The following FHIT variants were observed in gnomAD, a reference collection of about 807,000 sequenced individuals.
FHIT encodes the protein bis(5'-adenosyl)-triphosphatase.
A neutral mutation model predicts 17.9 loss-of-function variants in FHIT; 19 were observed. The ratio of observed to expected loss-of-function variants is 1.06; its 90% CI spans 0.74 to 1.56. The LOEUF (loss-of-function observed/expected upper bound fraction) is 1.56, where lower values mean the gene tolerates loss of function less well. Ranked by LOEUF, FHIT falls within the 40% of genes most tolerant of loss-of-function variation. The pLI, the probability that FHIT is intolerant of heterozygous loss-of-function variation, is 0.00. For synonymous variants in FHIT, 81 were observed against 69.7 expected, an observed-to-expected ratio of 1.16 and a Z score of -0.81; for missense variants, 248 against 189.2, an observed-to-expected ratio of 1.31 and a Z score of -1.82.
intron 3 of FHIT, among the ~76,000 whole-genome samples, chr3:60,852,815 G>A (rs925861659): frequency 9.2e-5 from 14 of 151,970 alleles, no homozygotes; most frequent in African/African-American, 3.4e-4. Context: ...ACAAGCCTAA[G>A]CAGCATAGTG....
intron 3 of FHIT, among the ~76,000 whole-genome samples, chr3:60,991,993 G>A (rs2030267799): frequency 6.6e-6 from 1 of 152,052 alleles, no homozygotes; most frequent in Non-Finnish European, 1.5e-5. Context: ...GAAGACATTA[G>A]GTAGAATCTA....
At chr3:60,698,957 T>C (rs2041177087) in intron 4 of FHIT, among the ~76,000 whole-genome samples, 3 of 152,222 alleles carry the variant, frequency 2.0e-5, no homozygotes, top group Admixed American at 6.5e-5. Flanking sequence ...TCTTAATACA[T>C]AAGCGTATCA....
chr3:60,432,271 T>C lies in FHIT; in HGVS notation c.103+104589A>G, dbSNP rs368643168. On this transcript the variant is annotated intron_variant, in intron 5 of 9. Transcript: ENST00000492590. ...GATTAGAGGCATGAGCCACCATGCC[T>C]AGTCTGGGCCTTTATTTTTAATTCT... is the stretch of plus-strand genomic sequence containing the variant. Among the ~76,000 whole-genome samples the C allele has an allele frequency of 2.9e-4, 44 of 152,260 alleles. No individual in the cohort carries two copies. In the Middle Eastern group the frequency reaches 0.014, roughly 47 times the overall value.
At chr3:60,703,084 G>A (rs1195502085) in intron 4 of FHIT, among the ~76,000 whole-genome samples, 12 of 152,076 alleles carry the variant, frequency 7.9e-5, no homozygotes, top group African/African-American at 2.7e-4. Flanking sequence ...GGATTAGAGC[G>A]GCCCCTACCC....
In FHIT at chr3:60,155,173, CAAA is replaced by C. The variant is rs10552580; in HGVS notation, c.104-141024_104-141022del. On this transcript the variant is annotated intron_variant, in intron 5 of 9. Coordinates refer to ENST00000492590, the MANE Select transcript of FHIT (RefSeq NM_002012.4). ...TGCACTACAGCCTGGGTGACAGAGT[CAAA>C]AAAAAAAAAAAAAAAGTCACAGAGC... Among the ~76,000 whole-genome samples, 1,027 of 127,092 alleles carry C rather than the reference CAAA, an allele frequency of 8.1e-3. 9 individuals carry two copies. The highest frequency in any genetic ancestry group is 0.022 in the African/African-American group (718 of 32,556). The allele number at this position is 127,092 out of a possible 152,430, so 83.4% of individuals were successfully genotyped here. A position where few individuals can be genotyped will look rare whatever the true frequency, so the allele number is the denominator to read the frequency against.
chr3:60,530,833 G>C (rs549850804), intron 5 of FHIT, among the ~76,000 whole-genome samples: 2 of 152,316 alleles, frequency 1.3e-5, no homozygotes, highest in South Asian at 4.1e-4. Flanking sequence ...AATGATGACA[G>C]CATCCAATAA....
intron 4 of FHIT, among the ~76,000 whole-genome samples, chr3:60,774,326 G>A (rs781847931): frequency 2.4e-4 from 36 of 152,048 alleles, no homozygotes; most frequent in Admixed American, 6.6e-5. Flanking sequence ...TTGAGATGGA[G>A]TTCCATTCTT....
intron 8 of FHIT, among the ~76,000 whole-genome samples, chr3:59,774,811 T>C (rs1559594165): frequency 6.6e-6 from 1 of 152,160 alleles, no homozygotes; most frequent in Non-Finnish European, 1.5e-5. Context: ...GGAAGTAATT[T>C]TCCTAAGGCT....
intron 2 of FHIT, among the ~76,000 whole-genome samples, chr3:61,095,864 G>T (rs1035607654): frequency 6.6e-6 from 1 of 152,096 alleles, no homozygotes. Context: ...TAACAGATTT[G>T]CTATCTTGTT....
At chr3:61,055,290 A>G (rs2034178222) in intron 2 of FHIT, among the ~76,000 whole-genome samples, 1 of 152,064 alleles carries the variant, frequency 6.6e-6, no homozygotes, top group Non-Finnish European at 1.5e-5. Context: ...CCCTACCTCT[A>G]TCTGTCCTCT....
chr3:60,672,630 T>G (rs2040532567), intron 4 of FHIT, among the ~76,000 whole-genome samples: 1 of 152,216 alleles, frequency 6.6e-6, no homozygotes, highest in South Asian at 2.1e-4. Flanking sequence ...TGCGATGGCT[T>G]GGCTTGGGCT....
At chr3:60,224,901 A>C (rs909492309) in intron 5 of FHIT, among the ~76,000 whole-genome samples, 1 of 151,792 alleles carries the variant, frequency 6.6e-6, no homozygotes, top group African/African-American at 2.4e-5. Flanking sequence ...TTGTATTTTT[A>C]GTAGAGACGG....
At chr3:60,074,026 G>A (rs1204326577) in intron 5 of FHIT, among the ~76,000 whole-genome samples, 1 of 152,104 alleles carries the variant, frequency 6.6e-6, no homozygotes, top group East Asian at 1.9e-4. Context: ...ACATGTGAAT[G>A]GAGCAGGGGC....
At position 60,540,071 on chromosome 3, in the gene FHIT, T is replaced by C. The variant is rs1457575531; in HGVS notation, c.-17-3092A>G. Among the ~76,000 whole-genome samples the C allele has an allele frequency of 4.6e-5, 7 of 151,982 alleles. No homozygotes were observed. The South Asian group carries it at 1.2e-3, about 27-fold the overall frequency. ...CCCAGGAAGAGAGAGGGGCTGAAGG[T>C]GAAGTTGATCACCAATGGTCAACAG... On this transcript the variant is annotated intron_variant, in intron 4 of 9. Transcript: ENST00000492590.
intron 8 of FHIT, among the ~76,000 whole-genome samples, chr3:59,905,952 G>A (rs1704567229): frequency 6.6e-6 from 1 of 152,138 alleles, no homozygotes; most frequent in South Asian, 2.1e-4. Context: ...AAACTGTATG[G>A]CCTGTTTTCT....
intron 8 of FHIT, among the ~76,000 whole-genome samples, chr3:59,813,383 G>T (rs1052690607): frequency 6.6e-6 from 1 of 152,138 alleles, no homozygotes; most frequent in Non-Finnish European, 1.5e-5. Flanking sequence ...GCCTGAGGAC[G>T]TACCCTCGCA....
Position 60,151,527 on chromosome 3 carries a change from C to T in FHIT, c.104-137375G>A, listed in dbSNP as rs76079904. 9.4e-3 allele frequency among the ~76,000 whole-genome samples: 1,428 copies of T among 152,240 alleles called. 14 individuals are homozygous for T. Among genetic ancestry groups the T allele is most frequent in the African/African-American group, 0.033 (1,372 of 41,542 alleles). ...TCACAGCACTACTTAACACCTCTAA[C>T]GTCCTCCCATTGCAAAATCTGTACC... is the stretch of plus-strand genomic sequence containing the variant. On this transcript the variant is annotated intron_variant, in intron 5 of 9. Transcript: ENST00000492590.
intron 8 of FHIT, among the ~76,000 whole-genome samples, chr3:59,888,128 A>C (rs1378807332): frequency 6.6e-6 from 1 of 152,190 alleles, no homozygotes; most frequent in Non-Finnish European, 1.5e-5. Flanking sequence ...GGGCACTCTG[A>C]AAGAAGAAAG....
chr3:60,489,055 G>C (rs1028759875), intron 5 of FHIT, among the ~76,000 whole-genome samples: 2 of 152,098 alleles, frequency 1.3e-5, no homozygotes, highest in African/African-American at 2.4e-5. Context: ...TTCCAAGAGA[G>C]ACCATGAGCA....
Sources: gnomAD v4.1 joint callset for allele counts (sites outside exome capture counted in the v4.1 genomes callset) on GRCh38, gnomAD v4.1.1 for gene constraint, MANE v1.5 for transcripts, NCBI Gene and HGNC (gene_info 2026-07-23, HGNC 2026-07-21) for gene names.